Variants in NFATC3 observed in about 807,000 individuals in gnomAD.
NFATC3 encodes the protein nuclear factor of activated T-cells, cytoplasmic 3.
Under a neutral mutation model 98.6 loss-of-function variants are expected in NFATC3, and 46 were observed. That is an observed-to-expected ratio of 0.47 (90% CI 0.37 to 0.60). NFATC3 has a LOEUF of 0.60. Ranked by LOEUF, NFATC3 falls within the 20% of genes least tolerant of loss-of-function variation. The pLI is 0.00. For synonymous variants in NFATC3, 512 were observed against 472.2 expected, an observed-to-expected ratio of 1.08 and a Z score of -1.09; for missense variants, 1,256 against 1,295.5, an observed-to-expected ratio of 0.97 and a Z score of 0.47.
chr16:68,121,091 C>CA lies in NFATC3; in HGVS notation c.104-884dup, dbSNP rs528510702. 6.1e-3 allele frequency among the ~76,000 whole-genome samples: 861 copies of CA among 140,078 alleles called. 5 individuals are homozygous for CA. The highest frequency in any genetic ancestry group is 0.014 in the African/African-American group (559 of 38,856). 91.9% of individuals were successfully genotyped at this position (140,078 alleles called of 152,430 possible). ...TCTCATTGTGTATTTGTAAATGGGC[C>CA]AAAAAAAAAAAATCCAAAATCCCAA... is the stretch of plus-strand genomic sequence containing the variant. On this transcript the variant is annotated intron_variant, in intron 1 of 9. Transcript: ENST00000346183.
chr16:68,096,040 T>A (rs961257822), intron 1 of NFATC3, among the ~76,000 whole-genome samples: 4 of 152,186 alleles, frequency 2.6e-5, no homozygotes, highest in African/African-American at 9.7e-5. Context: ...CAGGCTGGAG[T>A]TCAGTGGCTC....
chr16:68,198,110 A>G (rs1416775469), intron 9 of NFATC3, among the ~76,000 whole-genome samples: 1 of 152,310 alleles, frequency 6.6e-6, no homozygotes, highest in South Asian at 2.1e-4. Flanking sequence ...ACTTGAGCCC[A>G]GGAGTTTGAG....
intron 3 of NFATC3, among the ~76,000 whole-genome samples, chr16:68,133,633 T>A (rs889179896): frequency 6.6e-6 from 1 of 152,146 alleles, no homozygotes; most frequent in Non-Finnish European, 1.5e-5. Flanking sequence ...TTCTCAATTC[T>A]CATCATCATA....
rs747071762 is a variant in NFATC3 at position 68,126,431 on chromosome 16, G to C, written c.1239-17G>C. On this transcript the variant is annotated splice_polypyrimidine_tract_variant and intron_variant, in intron 2 of 9. Coordinates refer to ENST00000346183, the MANE Select transcript of NFATC3 (RefSeq NM_173165.3). The stretch of plus-strand genomic sequence containing the variant: ...TAATAGCATGGTGACATGCATCTTT[G>C]TGTGTTTTGTTTGTAGCACATCTTC... 5 of 1,598,692 alleles carry C rather than the reference G, an allele frequency of 3.1e-6. No homozygotes were observed. The highest frequency in any genetic ancestry group is 4.3e-6 in the Non-Finnish European group (5 of 1,169,372).
intron 7 of NFATC3, among the ~76,000 whole-genome samples, chr16:68,182,972 C>T (rs2040010843): frequency 6.6e-6 from 1 of 152,174 alleles, no homozygotes; most frequent in Admixed American, 6.5e-5. Context: ...CATCTCACTA[C>T]ATAGTATGTA....
intron 9 of NFATC3, among the ~76,000 whole-genome samples, chr16:68,210,064 G>A (rs1043292905): frequency 1.1e-4 from 16 of 152,168 alleles, no homozygotes; most frequent in African/African-American, 3.1e-4. Flanking sequence ...TTGGGAGGCC[G>A]AGGTGGGCGG....
chr16:68,223,666 G>T (rs1396522462), intron 9 of NFATC3, among the ~76,000 whole-genome samples: 1 of 152,050 alleles, frequency 6.6e-6, no homozygotes, highest in African/African-American at 2.4e-5. Context: ...GGAGGCTGAG[G>T]CAGGTGGATC....
At chr16:68,181,654 G>C in intron 7 of NFATC3, 124 bp downstream of exon 7, 1 of 656,798 alleles carries the variant, frequency 1.5e-6, no homozygotes, top group Non-Finnish European at 2.6e-6. Context: ...AATTAGGCTG[G>C]GCATGGTGGC....
In NFATC3 at chr16:68,229,104, A is replaced by C. The variant is rs551701291; in HGVS notation, c.*2633A>C. The C allele has an allele frequency of 2.0e-5, 3 of 152,262 alleles. No homozygotes were observed. The highest frequency in any genetic ancestry group is 1.3e-4 in the Admixed American group (2 of 15,284). The allele number at this position is 152,262 out of a possible 1,614,324, so 9.4% of individuals were successfully genotyped here. A position where few individuals can be genotyped will look rare whatever the true frequency, so the allele number is the denominator to read the frequency against. ...AAGGAACTGGTTCTCAGTTATGTTTACAGCACTTGGAATTGTGTGTTCTTG... is the reference window on the plus strand; with the variant it reads ...AAGGAACTGGTTCTCAGTTATGTTTCCAGCACTTGGAATTGTGTGTTCTTG... On this transcript the variant is annotated 3_prime_UTR_variant, in exon 10 of 10. Transcript: ENST00000346183.
At chr16:68,170,466 T>TAGTCAGTA (rs1411349014) in intron 5 of NFATC3, among the ~76,000 whole-genome samples, 2 of 150,692 alleles carry the variant, frequency 1.3e-5, no homozygotes, top group Non-Finnish European at 3.0e-5. Flanking sequence ...TATTTATATA[T>TAGTCAGTA]AGTCAGTATT....
At chr16:68,133,277 T>C (rs139341666) in intron 3 of NFATC3, among the ~76,000 whole-genome samples, 88 of 152,176 alleles carry the variant, frequency 5.8e-4, no homozygotes, top group African/African-American at 1.9e-3. Context: ...AATAAAATTA[T>C]GTGTATGTTC....
At chr16:68,135,608 TTTAA>T (rs1332350064) in intron 3 of NFATC3, among the ~76,000 whole-genome samples, 5 of 152,156 alleles carry the variant, frequency 3.3e-5, no homozygotes, top group Admixed American at 6.5e-5. Flanking sequence ...GAACTGTCTG[TTTAA>T]TTAAAGCCGA....
Position 68,085,793 on chromosome 16 carries a change from C to T in NFATC3, c.103+9C>T, listed in dbSNP as rs757045897. 2.1e-6 allele frequency: 3 copies of T among 1,452,070 alleles called. No individual in the cohort carries two copies. The highest frequency in any genetic ancestry group is 1.4e-5 in the South Asian group (1 of 71,410). The allele number at this position is 1,452,070 out of a possible 1,614,324, so 89.9% of individuals were successfully genotyped here. A position where few individuals can be genotyped will look rare whatever the true frequency, so the allele number is the denominator to read the frequency against. On this transcript the variant is annotated intron_variant, in intron 1 of 9. Transcript: ENST00000346183. ...GGGCTCGCGGCCTGCAGGTGGGTGC[C>T]GGGCCAGGCGGGACCGTGGAGCGAC...
At chr16:68,101,729 C>T (rs562126167) in intron 1 of NFATC3, among the ~76,000 whole-genome samples, 6 of 152,118 alleles carry the variant, frequency 3.9e-5, no homozygotes, top group South Asian at 2.1e-4. Context: ...ATGATCCGCC[C>T]GCCTCTGCCT....
At chr16:68,138,690 A>G (rs2037582467) in intron 3 of NFATC3, 5 of 1,287,386 alleles carry the variant, frequency 3.9e-6, no homozygotes, top group Middle Eastern at 2.1e-4. Context: ...CCCTACTTAC[A>G]TGCAGAAGTA....
chr16:68,160,045 C>G (rs2038816004), intron 4 of NFATC3, among the ~76,000 whole-genome samples: 1 of 151,640 alleles, frequency 6.6e-6, no homozygotes, highest in African/African-American at 2.4e-5. Context: ...TCCATTGCAT[C>G]AAGAGCGAAA....
At chr16:68,119,703 A>C (rs2036470570) in intron 1 of NFATC3, among the ~76,000 whole-genome samples, 1 of 152,158 alleles carries the variant, frequency 6.6e-6, no homozygotes, top group Non-Finnish European at 1.5e-5. Context: ...TTAAATTAAC[A>C]TCTTTGCCTC....
intron 3 of NFATC3, among the ~76,000 whole-genome samples, chr16:68,150,244 T>C (rs2038243838): frequency 1.3e-5 from 2 of 152,076 alleles, no homozygotes; most frequent in African/African-American, 4.8e-5. Context: ...ACATCCATTT[T>C]GTAATGCTAC....
At chr16:68,113,844 A>G (rs1344965184) in intron 1 of NFATC3, among the ~76,000 whole-genome samples, 3 of 152,328 alleles carry the variant, frequency 2.0e-5, no homozygotes, top group South Asian at 2.1e-4. Flanking sequence ...TAAGGAAACA[A>G]TCTGGCCACG....
Sources: allele counts gnomAD v4.1 joint callset (sites outside exome capture counted in the v4.1 genomes callset), GRCh38; gene constraint gnomAD v4.1.1; transcripts MANE v1.5; gene names NCBI Gene and HGNC (gene_info 2026-07-23, HGNC 2026-07-21).